The following WDR70 variants were observed in gnomAD, a reference collection of about 807,000 sequenced individuals.
WDR70 encodes the protein WD repeat-containing protein 70.
In WDR70, 53 loss-of-function variants were observed where a neutral mutation model predicts 88.6. The observed-to-expected ratio is 0.60, with a 90% confidence interval of 0.48 to 0.75. WDR70 has a LOEUF of 0.75. WDR70 is among the 30% of genes least tolerant of loss of function. WDR70 has a pLI of 0.00. For missense variants in WDR70, 610 were observed against 823.2 expected (o/e 0.74, Z 3.17); for synonymous variants, 280 against 270.0 (o/e 1.04, Z -0.36).
intron 7 of WDR70, among the ~76,000 whole-genome samples, chr5:37,457,446 GAA>G (rs1354726276): frequency 6.6e-6 from 1 of 152,120 alleles, no homozygotes; most frequent in Non-Finnish European, 1.5e-5. Context: ...AAGATTTGGA[GAA>G]ACAAATACTA....
At chr5:37,634,920 A>T (rs2112530939) in intron 10 of WDR70, among the ~76,000 whole-genome samples, 1 of 152,328 alleles carries the variant, frequency 6.6e-6, no homozygotes, top group African/African-American at 2.4e-5. Flanking sequence ...AACTCAGTTT[A>T]AAAGTCAATG....
chr5:37,669,824 A>G (rs1745969416), intron 10 of WDR70, among the ~76,000 whole-genome samples: 1 of 152,240 alleles, frequency 6.6e-6, no homozygotes. Flanking sequence ...CATACAGTGA[A>G]ATATTATTTG....
chr5:37,519,334 C>A (rs1302586724), intron 9 of WDR70, among the ~76,000 whole-genome samples: 2 of 150,260 alleles, frequency 1.3e-5, no homozygotes, highest in East Asian at 4.0e-4. Flanking sequence ...GCGCTCCTCA[C>A]TTCCCAGACG....
chr5:37,441,738 A>G (rs961437422), intron 6 of WDR70, among the ~76,000 whole-genome samples: 19 of 151,292 alleles, frequency 1.3e-4, no homozygotes, highest in Admixed American at 1.2e-3. Flanking sequence ...GAATCGCTTG[A>G]TCCCAGCAGG....
At chr5:37,686,296 CAGA>C (rs1746596037) in intron 10 of WDR70, among the ~76,000 whole-genome samples, 1 of 150,334 alleles carries the variant, frequency 6.7e-6, no homozygotes, top group African/African-American at 2.4e-5. Context: ...ACCTGGGTGA[CAGA>C]AGGACACCCT....
At chr5:37,384,984 A>T (rs1275402027) in intron 3 of WDR70, among the ~76,000 whole-genome samples, 1 of 152,208 alleles carries the variant, frequency 6.6e-6, no homozygotes, top group Non-Finnish European at 1.5e-5. Flanking sequence ...CAGGGTTCCC[A>T]TGACCGCTCT....
chr5:37,665,637 C>T (rs923784818), intron 10 of WDR70, among the ~76,000 whole-genome samples: 1 of 152,154 alleles, frequency 6.6e-6, no homozygotes, highest in African/African-American at 2.4e-5. Flanking sequence ...GATGCTTGAC[C>T]TTGACTTTGT....
intron 10 of WDR70, among the ~76,000 whole-genome samples, chr5:37,619,468 A>G (rs1320585422): frequency 6.6e-6 from 1 of 152,206 alleles, no homozygotes; most frequent in African/African-American, 2.4e-5. Flanking sequence ...CAGGACAGCT[A>G]TGATTTATTT....
chr5:37,661,288 A>T (rs916304482), intron 10 of WDR70, among the ~76,000 whole-genome samples: 1 of 152,120 alleles, frequency 6.6e-6, no homozygotes, highest in African/African-American at 2.4e-5. Flanking sequence ...TTGTGTCTGT[A>T]GGGGGTCTTG....
intron 10 of WDR70, among the ~76,000 whole-genome samples, chr5:37,610,449 G>GT (rs1047961178): frequency 1.8e-4 from 27 of 151,530 alleles, no homozygotes; most frequent in African/African-American, 6.1e-4. Flanking sequence ...AAAAAAGTTG[G>GT]TTTTTTGGTT....
intron 8 of WDR70, among the ~76,000 whole-genome samples, chr5:37,488,471 G>T (rs1371144364): frequency 3.4e-5 from 5 of 147,450 alleles, no homozygotes; most frequent in Admixed American, 2.7e-4. Context: ...CATACATTAT[G>T]TAGGCTTTCT....
chr5:37,386,088 C>T (rs1241575090), intron 3 of WDR70, among the ~76,000 whole-genome samples: 1 of 151,694 alleles, frequency 6.6e-6, no homozygotes, highest in Admixed American at 6.6e-5. Flanking sequence ...CCTGGGATTA[C>T]AGGAGTGAGC....
intron 10 of WDR70, among the ~76,000 whole-genome samples, chr5:37,632,654 G>A (rs1371678989): frequency 3.3e-5 from 5 of 152,140 alleles, no homozygotes; most frequent in Non-Finnish European, 5.9e-5. Context: ...TATACAATGT[G>A]TGTTTTATGT....
chr5:37,557,957 A>ACTCTTTTTAAAACTATTCAAAAGAGTAC, intron 9 of WDR70, among the ~76,000 whole-genome samples: 1 of 139,252 alleles, frequency 7.2e-6, no homozygotes, highest in Non-Finnish European at 1.6e-5. Context: ...TCAAAAGAGT[A>ACTCTTTTTAAAACTATTCAAAAGAGTAC]TTATGTATAT....
intron 10 of WDR70, among the ~76,000 whole-genome samples, chr5:37,632,499 T>C (rs1216935639): frequency 6.6e-6 from 1 of 152,200 alleles, no homozygotes; most frequent in East Asian, 1.9e-4. Context: ...GACACTGATA[T>C]TGATGATCCT....
intron 9 of WDR70, among the ~76,000 whole-genome samples, chr5:37,544,187 A>T (rs1741917397): frequency 6.6e-6 from 1 of 152,208 alleles, no homozygotes; most frequent in Non-Finnish European, 1.5e-5. Context: ...GATTATACAT[A>T]ACAGGATTTC....
rs562855421 is a variant in WDR70 at position 37,518,158 on chromosome 5, A to C, written c.917+1568A>C. On this transcript the variant is annotated intron_variant, in intron 9 of 17. Coordinates refer to ENST00000265107, the MANE Select transcript of WDR70 (RefSeq NM_018034.4). ...ACGAACTCCTGAACTCAGGTGATCC[A>C]CCCACTTTGGCCTCCCAAAGTGCTG... Among the ~76,000 whole-genome samples, 7 of 151,946 alleles carry C rather than the reference A, an allele frequency of 4.6e-5. No individual in the cohort carries two copies. The South Asian group carries it at 1.5e-3, about 32-fold the overall frequency.
intron 8 of WDR70, among the ~76,000 whole-genome samples, chr5:37,493,131 G>C (rs1050826622): frequency 6.6e-6 from 1 of 152,148 alleles, no homozygotes; most frequent in Admixed American, 6.5e-5. Context: ...GTTTTTTACA[G>C]AACTGCATTA....
intron 10 of WDR70, among the ~76,000 whole-genome samples, chr5:37,690,151 A>T (rs1198089184): frequency 6.6e-6 from 1 of 152,230 alleles, no homozygotes; most frequent in Non-Finnish European, 1.5e-5. Context: ...GTGAGAAGAC[A>T]AGGTTAGAGA....
Sources: gnomAD v4.1 joint callset for allele counts (sites outside exome capture counted in the v4.1 genomes callset) on GRCh38, gnomAD v4.1.1 for gene constraint, MANE v1.5 for transcripts, NCBI Gene and HGNC (gene_info 2026-07-23, HGNC 2026-07-21) for gene names.